The following NOL4L variants were observed in gnomAD, a reference collection of about 807,000 sequenced individuals.
NOL4L encodes the protein nucleolar protein 4-like.
Under a neutral mutation model 64.5 loss-of-function variants are expected in NOL4L, and 7 were observed. That is an observed-to-expected ratio of 0.11 (90% CI 0.06 to 0.20). NOL4L has a LOEUF of 0.20. Ranked by LOEUF, NOL4L falls within the 10% of genes least tolerant of loss-of-function variation. The pLI is 1.00. For synonymous variants in NOL4L, 413 were observed against 401.0 expected (o/e 1.03, Z -0.36); for missense variants, 680 against 967.1 (o/e 0.70, Z 3.94).
intron 1 of NOL4L, among the ~76,000 whole-genome samples, chr20:32,583,084 C>T (rs1159331094): frequency 6.6e-6 from 1 of 152,114 alleles, no homozygotes; most frequent in Non-Finnish European, 1.5e-5. Flanking sequence ...CCCCTCTGCC[C>T]GGCCCCCTGT....
At chr20:32,539,774 G>A (rs1432098228) in intron 1 of NOL4L, among the ~76,000 whole-genome samples, 1 of 152,202 alleles carries the variant, frequency 6.6e-6, no homozygotes, top group Non-Finnish European at 1.5e-5. Context: ...TGGACAATGA[G>A]CTCTGTCTGG....
chr20:32,488,616 C>A (rs1227934566), intron 4 of NOL4L, among the ~76,000 whole-genome samples: 1 of 152,238 alleles, frequency 6.6e-6, no homozygotes, highest in Admixed American at 6.5e-5. Flanking sequence ...CTCTGTCAAT[C>A]TGAGGGAGGA....
intron 10 of NOL4L, chr20:32,451,624 G>A (rs2012915197): frequency 6.6e-6 from 1 of 152,382 alleles, no homozygotes. Flanking sequence ...TACAGGAGCG[G>A]AGCGAGGGAG....
chr20:32,463,877 C>G lies in NOL4L; in HGVS notation c.842-7482G>C, dbSNP rs1221191282. ...AGGCTAGGCTCGGAGAACGGGAAGG[C>G]CCACCATCCCTGGGACCACAGGCCA... On this transcript the variant is annotated intron_variant, in intron 5 of 10. Transcript: ENST00000621426. This position sits in a 1 kb window ranked among gnomAD's most constrained non-coding sequence, Gnocchi z 5.8. 6.6e-6 allele frequency among the ~76,000 whole-genome samples: 1 copy of G among 152,134 alleles called. No homozygotes were observed. Among genetic ancestry groups the G allele is most frequent in the Admixed American group, 6.5e-5 (1 of 15,280 alleles).
At chr20:32,521,683 G>A (rs1010668989) in intron 2 of NOL4L, among the ~76,000 whole-genome samples, 1 of 152,192 alleles carries the variant, frequency 6.6e-6, no homozygotes, top group Non-Finnish European at 1.5e-5. Flanking sequence ...AGGGCTGGGT[G>A]GGGGAGTGGG....
intron 4 of NOL4L, among the ~76,000 whole-genome samples, chr20:32,500,376 C>T (rs573244327): frequency 7.2e-4 from 99 of 138,300 alleles, no homozygotes; most frequent in Middle Eastern, 3.8e-3. Context: ...TTTTTTGAGA[C>T]GGAGTCTTGC....
chr20:32,581,985 G>A (rs1446789065), intron 1 of NOL4L: 1 of 152,248 alleles, frequency 6.6e-6, no homozygotes, highest in Non-Finnish European at 1.5e-5. Context: ...GGCTGCCCCA[G>A]AATTCCCAGC....
chr20:32,563,887 T>C (rs1271285351), intron 1 of NOL4L, among the ~76,000 whole-genome samples: 1 of 152,228 alleles, frequency 6.6e-6, no homozygotes, highest in Non-Finnish European at 1.5e-5. Context: ...TTCTGGTCAC[T>C]GGGCCCTAAG....
chr20:32,478,629 G>A (rs1340083653), intron 4 of NOL4L, among the ~76,000 whole-genome samples: 1 of 152,190 alleles, frequency 6.6e-6, no homozygotes, highest in African/African-American at 2.4e-5. Context: ...TTGAAAGACA[G>A]GATCTTACTG....
rs11469154 is a variant in NOL4L at position 32,478,273 on chromosome 20, ACTCTCTCT to A, written c.700-3539_700-3532del. 5.9e-4 allele frequency among the ~76,000 whole-genome samples: 84 copies of A among 143,432 alleles called. 1 individual carries two copies. Among genetic ancestry groups the A allele is most frequent in the South Asian group, 4.9e-3 (22 of 4,494 alleles). 94.1% of individuals were successfully genotyped at this position (143,432 alleles called of 152,430 possible). A position where few individuals can be genotyped will look rare whatever the true frequency, so the allele number is the denominator to read the frequency against. On this transcript the variant is annotated intron_variant, in intron 4 of 10. Coordinates refer to ENST00000621426, the MANE Select transcript of NOL4L (RefSeq NM_001256798.2). ...CACACACACACACACACACACACAC[ACTCTCTCT>A]CTCTCTCTCTCATGCATGCTCACTT...
At chr20:32,533,911 G>A (rs188964395) in intron 1 of NOL4L, among the ~76,000 whole-genome samples, 4 of 152,296 alleles carry the variant, frequency 2.6e-5, no homozygotes, top group Admixed American at 1.3e-4. Flanking sequence ...CTCCTGAATC[G>A]GACTGAATCT....
intron 6 of NOL4L, among the ~76,000 whole-genome samples, chr20:32,454,522 C>T (rs1471498131): frequency 2.0e-5 from 3 of 152,244 alleles, no homozygotes; most frequent in African/African-American, 7.2e-5. Context: ...CCTCAACCAT[C>T]TCTCCTTAGG....
chr20:32,452,264 G>T lies in NOL4L; in HGVS notation c.1794C>A (p.Ala598=). The T allele has an allele frequency of 6.3e-7, 1 of 1,581,640 alleles. No homozygotes were observed. Among genetic ancestry groups the T allele is most frequent in the Non-Finnish European group, 8.6e-7 (1 of 1,161,980 alleles). Residue 598 remains alanine (A), a synonymous_variant, in exon 10 of 11, where the codon GCC becomes GCA. Coordinates refer to ENST00000621426, the MANE Select transcript of NOL4L (RefSeq NM_001256798.2). ...GALSSNLQPP[A]SLQTGNHSNG... The stretch of plus-strand genomic sequence containing the variant: ...TACTGTGGTTTCCTGTTTGGAGGGA[G>T]GCAGGGGGCTGCAGGTTGCTGCTCA...
At chr20:32,507,574 T>G (rs2017186034) in intron 4 of NOL4L, among the ~76,000 whole-genome samples, 1 of 152,226 alleles carries the variant, frequency 6.6e-6, no homozygotes. Flanking sequence ...CCACCTGCAT[T>G]TTGATCAAAG....
rs188366759 is a variant in NOL4L at position 32,545,333 on chromosome 20, G to C, written c.322-17420C>G. On this transcript the variant is annotated intron_variant, in intron 1 of 10. Coordinates refer to ENST00000621426, the MANE Select transcript of NOL4L (RefSeq NM_001256798.2). The stretch of plus-strand genomic sequence containing the variant: ...ATGAAAGAAGAAAAACATGAACTTT[G>C]GACAGGACCTCCTAATGTTGACAAC... Among the ~76,000 whole-genome samples, 653 of 152,188 alleles carry C rather than the reference G, an allele frequency of 4.3e-3. 7 individuals carry two copies. The highest frequency in any genetic ancestry group is 0.015 in the African/African-American group (619 of 41,512).
chr20:32,514,405 T>C (rs963827481), intron 3 of NOL4L, among the ~76,000 whole-genome samples: 1 of 151,710 alleles, frequency 6.6e-6, no homozygotes, highest in African/African-American at 2.4e-5. Flanking sequence ...GGCAGGAGAA[T>C]CACTGGAACC....
intron 4 of NOL4L, among the ~76,000 whole-genome samples, chr20:32,502,927 A>T (rs1054433534): frequency 6.6e-6 from 1 of 152,198 alleles, no homozygotes; most frequent in Non-Finnish European, 1.5e-5. Flanking sequence ...AAAAATAAAC[A>T]TAAAAAATAA....
intron 3 of NOL4L, among the ~76,000 whole-genome samples, chr20:32,514,045 G>A (rs745578071): frequency 4.6e-5 from 7 of 152,220 alleles, no homozygotes; most frequent in Non-Finnish European, 8.8e-5. Context: ...GGGGCCTAGA[G>A]GATGGGGGTC....
At chr20:32,542,976 A>G (rs796155278) in intron 1 of NOL4L, among the ~76,000 whole-genome samples, 8 of 152,298 alleles carry the variant, frequency 5.3e-5, no homozygotes, top group African/African-American at 1.9e-4. Context: ...AGCGCTGAGC[A>G]CACAGCCGTT....
Sources: gnomAD v4.1 joint callset for allele counts (sites outside exome capture counted in the v4.1 genomes callset) on GRCh38, gnomAD v4.1.1 for gene constraint, Gnocchi (gnomAD v3.1) non-coding constraint, MANE v1.5 for transcripts, NCBI Gene and HGNC (gene_info 2026-07-23, HGNC 2026-07-21) for gene names.